Variants in IGSF11 observed in about 807,000 individuals in gnomAD.
IGSF11 encodes the protein immunoglobulin superfamily member 11, also known as CXADR like 1.
In IGSF11, 22 loss-of-function variants were observed where a neutral mutation model predicts 41.0. That is an observed-to-expected ratio of 0.54 (90% CI 0.38 to 0.77). IGSF11 has a LOEUF of 0.77. IGSF11 is among the 30% of genes least tolerant of loss of function. The pLI, the probability that IGSF11 is intolerant of heterozygous loss-of-function variation, is 0.00. For missense variants in IGSF11, 444 were observed against 530.8 expected (o/e 0.84, Z 1.61); for synonymous variants, 219 against 201.3 (o/e 1.09, Z -0.74).
At chr3:118,990,872 A>G (rs1161064332) in intron 1 of IGSF11, among the ~76,000 whole-genome samples, 1 of 152,184 alleles carries the variant, frequency 6.6e-6, no homozygotes, top group African/African-American at 2.4e-5. Flanking sequence ...GGGTATGTAT[A>G]TATGTGTAGG....
intron 1 of IGSF11, among the ~76,000 whole-genome samples, chr3:119,072,188 G>T (rs185385359): frequency 9.9e-5 from 15 of 152,192 alleles, no homozygotes; most frequent in Admixed American, 2.6e-4. Context: ...AGCTTGAGTG[G>T]GTTTCTCTTC....
chr3:118,968,930 A>T (rs1422671716), intron 1 of IGSF11, among the ~76,000 whole-genome samples: 1 of 152,234 alleles, frequency 6.6e-6, no homozygotes, highest in East Asian at 1.9e-4. Flanking sequence ...AGAAATACAT[A>T]AAGAATAAAA....
At chr3:119,131,799 G>T (rs566572202) in intron 1 of IGSF11, among the ~76,000 whole-genome samples, 1 of 152,322 alleles carries the variant, frequency 6.6e-6, no homozygotes, top group East Asian at 1.9e-4. Flanking sequence ...GGCAGCCAGA[G>T]AGGAAGATCA....
At chr3:119,071,604 G>A (rs1428449919) in intron 1 of IGSF11, among the ~76,000 whole-genome samples, 1 of 151,774 alleles carries the variant, frequency 6.6e-6, no homozygotes, top group Non-Finnish European at 1.5e-5. Context: ...TGAATAATTG[G>A]GCATCCTTCT....
chr3:119,082,487 A>G, intron 1 of IGSF11, among the ~76,000 whole-genome samples: 1 of 152,246 alleles, frequency 6.6e-6, no homozygotes, highest in East Asian at 1.9e-4. Context: ...GTATTCATAC[A>G]GAAAATAATA....
intron 4 of IGSF11, among the ~76,000 whole-genome samples, chr3:118,909,803 T>C (rs766797918): frequency 6.6e-6 from 1 of 152,254 alleles, no homozygotes; most frequent in African/African-American, 2.4e-5. Flanking sequence ...TCTGATGTCA[T>C]GTTAGTATAC....
At chr3:118,921,542 C>T (rs924008136) in intron 4 of IGSF11, among the ~76,000 whole-genome samples, 2 of 152,072 alleles carry the variant, frequency 1.3e-5, no homozygotes, top group African/African-American at 4.8e-5. Flanking sequence ...AGCTGCTGTT[C>T]TGCACATCTT....
At chr3:119,069,327 G>A (rs1306694520) in intron 1 of IGSF11, among the ~76,000 whole-genome samples, 1 of 152,114 alleles carries the variant, frequency 6.6e-6, no homozygotes, top group African/African-American at 2.4e-5. Context: ...CAATGAGTGA[G>A]TGAAATATAT....
intron 1 of IGSF11, among the ~76,000 whole-genome samples, chr3:119,080,211 C>T (rs1206435149): frequency 1.3e-5 from 2 of 152,068 alleles, no homozygotes; most frequent in Non-Finnish European, 2.9e-5. Context: ...GAAGAATTTC[C>T]CTTTTATAAT....
chr3:119,070,960 A>G (rs545769349), intron 1 of IGSF11, among the ~76,000 whole-genome samples: 57 of 152,346 alleles, frequency 3.7e-4, no homozygotes, highest in South Asian at 6.2e-4. Context: ...TACTGTGAAC[A>G]TACTTTTGGC....
chr3:118,989,208 C>A (rs1935543133), intron 1 of IGSF11, among the ~76,000 whole-genome samples: 1 of 152,208 alleles, frequency 6.6e-6, no homozygotes, highest in African/African-American at 2.4e-5. Flanking sequence ...AAGCAAAGGA[C>A]TGTAAAATTG....
At chr3:118,909,508 C>T (rs182215350) in intron 4 of IGSF11, among the ~76,000 whole-genome samples, 5 of 152,268 alleles carry the variant, frequency 3.3e-5, no homozygotes, top group African/African-American at 1.2e-4. Flanking sequence ...ATATCAAACT[C>T]TATTAAAGAT....
intron 1 of IGSF11, among the ~76,000 whole-genome samples, chr3:118,973,929 C>A (rs368622724): frequency 7.2e-5 from 11 of 152,064 alleles, no homozygotes; most frequent in African/African-American, 2.4e-4. Context: ...GGGAGGGGAA[C>A]AACACACACT....
intron 1 of IGSF11, among the ~76,000 whole-genome samples, chr3:118,966,748 A>G (rs1945708355): frequency 6.6e-6 from 1 of 152,228 alleles, no homozygotes; most frequent in Admixed American, 6.5e-5. Flanking sequence ...TTTACGTTTA[A>G]GAGAGTCAAG....
chr3:118,920,302 A>G (rs916324381), intron 4 of IGSF11, among the ~76,000 whole-genome samples: 4 of 151,586 alleles, frequency 2.6e-5, no homozygotes, highest in African/African-American at 9.7e-5. Flanking sequence ...AAGATGATTT[A>G]AATAAAAGAC....
intron 4 of IGSF11, among the ~76,000 whole-genome samples, chr3:118,907,231 A>C (rs1939714698): frequency 6.6e-6 from 1 of 152,196 alleles, no homozygotes; most frequent in Admixed American, 6.5e-5. Flanking sequence ...AGGCAGAAGC[A>C]GACACGAGGA....
intron 1 of IGSF11, among the ~76,000 whole-genome samples, chr3:119,044,722 C>T (rs1476498736): frequency 6.6e-6 from 1 of 152,196 alleles, no homozygotes; most frequent in African/African-American, 2.4e-5. Context: ...GATTTCTCAG[C>T]AGAAATCCTG....
At chr3:118,931,605 C>T (rs938423296) in intron 1 of IGSF11, among the ~76,000 whole-genome samples, 8 of 152,078 alleles carry the variant, frequency 5.3e-5, no homozygotes, top group African/African-American at 1.9e-4. Flanking sequence ...TCTATAGAGA[C>T]AGAAAATAGA....
chr3:119,116,647 C>T (rs2077259468), intron 1 of IGSF11, among the ~76,000 whole-genome samples: 2 of 152,146 alleles, frequency 1.3e-5, no homozygotes, highest in Admixed American at 1.3e-4. Context: ...TTTTGTAAAG[C>T]TAATAGGAAG....
Sources: gnomAD v4.1 joint callset for allele counts (sites outside exome capture counted in the v4.1 genomes callset) on GRCh38, gnomAD v4.1.1 for gene constraint, MANE v1.5 for transcripts, NCBI Gene and HGNC (gene_info 2026-07-23, HGNC 2026-07-21) for gene names.